Variants in MACROD2 observed in about 807,000 individuals in gnomAD.
MACROD2 encodes mono-ADP ribosylhydrolase 2, also known as ADP-ribose glycohydrolase MACROD2.
A neutral mutation model predicts 70.4 loss-of-function variants in MACROD2; 36 were observed. The ratio of observed to expected loss-of-function variants is 0.51; its 90% CI spans 0.39 to 0.68. The LOEUF is 0.68. Ranked by LOEUF, MACROD2 falls within the 30% of genes least tolerant of loss-of-function variation. The probability of loss-of-function intolerance (pLI) is 0.00; values close to 1 mark genes in which losing one functional copy is unlikely to be tolerated. For synonymous variants in MACROD2, 172 were observed against 178.8 expected (o/e 0.96, Z 0.30); for missense variants, 496 against 538.4 (o/e 0.92, Z 0.78).
At chr20:14,333,254 G>A (rs370721815) in intron 3 of MACROD2, among the ~76,000 whole-genome samples, 7 of 152,124 alleles carry the variant, frequency 4.6e-5, no homozygotes, top group Admixed American at 1.3e-4. Flanking sequence ...CCAATGCTAA[G>A]TATTTTTACT....
intron 8 of MACROD2, among the ~76,000 whole-genome samples, chr20:15,536,273 A>G (rs2047873861): frequency 6.6e-6 from 1 of 152,182 alleles, no homozygotes; most frequent in South Asian, 2.1e-4. Context: ...AGGCCTCCGA[A>G]TAGGAATGGT....
At chr20:15,239,817 AT>A (rs1849249121) in intron 6 of MACROD2, among the ~76,000 whole-genome samples, 1 of 152,164 alleles carries the variant, frequency 6.6e-6, no homozygotes, top group Admixed American at 6.5e-5. Context: ...GAAGAACCTC[AT>A]TTTCTGGTTA....
intron 3 of MACROD2, among the ~76,000 whole-genome samples, chr20:14,132,702 A>G (rs1248968122): frequency 6.6e-6 from 1 of 151,740 alleles, no homozygotes; most frequent in Admixed American, 6.6e-5. Flanking sequence ...CAGTGGCTCA[A>G]TCTTAGCTCA....
intron 5 of MACROD2, among the ~76,000 whole-genome samples, chr20:14,922,201 CA>C (rs1341615310): frequency 6.6e-6 from 1 of 152,070 alleles, no homozygotes; most frequent in Admixed American, 6.6e-5. Flanking sequence ...TGTGTTTTGT[CA>C]AAGAAAGGTG....
intron 6 of MACROD2, among the ~76,000 whole-genome samples, chr20:15,344,724 T>C (rs1397178106): frequency 2.0e-5 from 3 of 152,216 alleles, no homozygotes; most frequent in Non-Finnish European, 4.4e-5. Context: ...CTTTTCACAC[T>C]TTCTTGGTGT....
intron 6 of MACROD2, among the ~76,000 whole-genome samples, chr20:15,231,020 T>C: frequency 6.6e-6 from 1 of 152,086 alleles, no homozygotes; most frequent in Non-Finnish European, 1.5e-5. Flanking sequence ...GTTTTATTAT[T>C]TGCATGAAGA....
chr20:15,748,057 T>C (rs2051211239), intron 8 of MACROD2, among the ~76,000 whole-genome samples: 1 of 152,202 alleles, frequency 6.6e-6, no homozygotes, highest in Admixed American at 6.6e-5. Context: ...TCCCAGTGTC[T>C]GAAGTGTGTG....
intron 5 of MACROD2, among the ~76,000 whole-genome samples, chr20:15,060,373 G>A (rs942235443): frequency 6.6e-6 from 1 of 152,242 alleles, no homozygotes; most frequent in African/African-American, 2.4e-5. Context: ...TCCACCCTGC[G>A]TCTTGCTCTT....
chr20:15,201,443 A>T (rs1432150937), intron 5 of MACROD2, among the ~76,000 whole-genome samples: 1 of 152,244 alleles, frequency 6.6e-6, no homozygotes. Flanking sequence ...TAGTAGTTAT[A>T]CATTAAGCCA....
intron 2 of MACROD2, among the ~76,000 whole-genome samples, chr20:14,042,431 T>C (rs1397634825): frequency 6.6e-6 from 1 of 152,186 alleles, no homozygotes; most frequent in Non-Finnish European, 1.5e-5. Context: ...CCTCAAAATA[T>C]GTAGGATTTC....
chr20:14,527,737 A>C (rs1481783762), intron 4 of MACROD2, among the ~76,000 whole-genome samples: 3 of 152,228 alleles, frequency 2.0e-5, no homozygotes, highest in Non-Finnish European at 4.4e-5. Context: ...ACTATTTCTT[A>C]GTGACCTGTT....
chr20:14,944,029 A>G (rs1395682281), intron 5 of MACROD2, among the ~76,000 whole-genome samples: 7 of 152,196 alleles, frequency 4.6e-5, no homozygotes, highest in Admixed American at 2.6e-4. Context: ...TAACAGTCGT[A>G]TACATTTCTG....
intron 4 of MACROD2, among the ~76,000 whole-genome samples, chr20:14,558,360 A>G (rs2123283442): frequency 6.6e-6 from 1 of 151,904 alleles, no homozygotes; most frequent in East Asian, 1.9e-4. Context: ...AAAGCTAAAA[A>G]TGTAAATGGT....
intron 7 of MACROD2, among the ~76,000 whole-genome samples, chr20:15,476,248 C>T (rs955151689): frequency 8.5e-5 from 13 of 152,122 alleles, no homozygotes; most frequent in Non-Finnish European, 1.2e-4. Context: ...CCTTATTACC[C>T]CTTAAAATTT....
rs766737099 is a variant in MACROD2 at position 15,741,413 on chromosome 20, T to C, written c.646-121332T>C. Among the ~76,000 whole-genome samples, 45 of 152,046 alleles carry C rather than the reference T, an allele frequency of 3.0e-4. 2 individuals carry two copies. The highest frequency in any genetic ancestry group is 7.4e-5 in the Non-Finnish European group (5 of 68,018). On this transcript the variant is annotated intron_variant, in intron 8 of 17. Coordinates refer to ENST00000684519, the MANE Select transcript of MACROD2 (RefSeq NM_001351661.2). Reference sequence around the variant, plus strand: ...TGCGCCTGGCCCAGTTATCATATATTACACTGCTTCCGACTGATATTGCCT... The same window carrying C: ...TGCGCCTGGCCCAGTTATCATATATCACACTGCTTCCGACTGATATTGCCT...
intron 5 of MACROD2, among the ~76,000 whole-genome samples, chr20:15,087,871 C>A (rs2075760469): frequency 6.6e-6 from 1 of 151,518 alleles, no homozygotes; most frequent in South Asian, 2.1e-4. Flanking sequence ...AGGTAATATA[C>A]AGAAGAAAAA....
intron 5 of MACROD2, among the ~76,000 whole-genome samples, chr20:14,968,644 G>A (rs2074660931): frequency 1.3e-5 from 2 of 152,282 alleles, no homozygotes; most frequent in African/African-American, 2.4e-5. Context: ...ACAGACTGGG[G>A]GGCTCCACCC....
At chr20:14,067,147 CAG>C (rs766141246) in intron 2 of MACROD2, among the ~76,000 whole-genome samples, 339 of 99,800 alleles carry the variant, frequency 3.4e-3, no homozygotes, top group East Asian at 9.0e-3. Flanking sequence ...TTTTTTGAGA[CAG>C]AGTCTTGCTC....
rs79750230 is a variant in MACROD2 at position 15,520,826 on chromosome 20, C to T, written c.645+20979C>T. ...CTTGTTTCTCTGACAGAATCCCTGG[C>T]CTGTGCCTTAACAACATCCACACAT... On this transcript the variant is annotated intron_variant, in intron 8 of 17. Coordinates refer to ENST00000684519, the MANE Select transcript of MACROD2 (RefSeq NM_001351661.2). Among the ~76,000 whole-genome samples the T allele has an allele frequency of 2.6e-5, 4 of 152,346 alleles. No individual in the cohort carries two copies. In the East Asian group the frequency reaches 7.7e-4, roughly 29 times the overall value.
Sources: allele counts gnomAD v4.1 joint callset (sites outside exome capture counted in the v4.1 genomes callset), GRCh38; gene constraint gnomAD v4.1.1; transcripts MANE v1.5; gene names NCBI Gene and HGNC (gene_info 2026-07-23, HGNC 2026-07-21).